MBNL2: variants seen among roughly 807,000 people sequenced by gnomAD.
MBNL2 encodes the protein muscleblind-like protein 2.
Under a neutral mutation model 41.9 loss-of-function variants are expected in MBNL2, and 17 were observed. The ratio of observed to expected loss-of-function variants is 0.41; its 90% CI spans 0.28 to 0.61. The LOEUF (loss-of-function observed/expected upper bound fraction) is 0.61, where lower values mean the gene tolerates loss of function less well. Among genes scored for constraint, MBNL2 ranks in the 20% least tolerant of loss-of-function variants. The probability of loss-of-function intolerance (pLI) is 0.35; values close to 1 mark genes in which losing one functional copy is unlikely to be tolerated. For synonymous variants in MBNL2, 195 were observed against 182.9 expected, an observed-to-expected ratio of 1.07 and a Z score of -0.53; for missense variants, 336 against 505.6, an observed-to-expected ratio of 0.66 and a Z score of 3.22.
chr13:97,164,283 C>A, the MBNL2 span, among the ~76,000 whole-genome samples: 8 of 152,256 alleles, frequency 5.3e-5, no homozygotes, highest in African/African-American at 1.9e-4. Flanking sequence ...GTTGGGATTA[C>A]AGGCATGAGC....
intron 2 of MBNL2, among the ~76,000 whole-genome samples, chr13:97,283,189 A>G (rs750288743): frequency 2.0e-5 from 3 of 152,010 alleles, no homozygotes; most frequent in Non-Finnish European, 4.4e-5. Context: ...CTCAGTGTGG[A>G]TGCTCTCCAA....
the MBNL2 span, among the ~76,000 whole-genome samples, chr13:97,163,887 T>G: frequency 6.6e-6 from 1 of 152,174 alleles, no homozygotes; most frequent in African/African-American, 2.4e-5. Context: ...GATTGGAGTT[T>G]TGCATCTACA....
intron 1 of MBNL2, among the ~76,000 whole-genome samples, chr13:97,229,504 G>A (rs1346538793): frequency 1.3e-5 from 2 of 151,990 alleles, no homozygotes; most frequent in Non-Finnish European, 2.9e-5. Flanking sequence ...GGTTATGCAA[G>A]AATAATATTT....
intron 2 of MBNL2, among the ~76,000 whole-genome samples, chr13:97,288,542 G>C (rs1244446907): frequency 6.6e-6 from 1 of 152,180 alleles, no homozygotes; most frequent in African/African-American, 2.4e-5. Flanking sequence ...AGCGGAAAAT[G>C]CCAAGGTCTA....
the MBNL2 span, among the ~76,000 whole-genome samples, chr13:97,178,922 A>G: frequency 6.6e-6 from 1 of 152,296 alleles, no homozygotes. Context: ...AAAAAGAAAT[A>G]CAATGGTATA....
intron 1 of MBNL2, among the ~76,000 whole-genome samples, chr13:97,233,271 T>G (rs961383638): frequency 6.9e-6 from 1 of 145,050 alleles, no homozygotes; most frequent in Non-Finnish European, 1.5e-5. Flanking sequence ...CTGCACCTAT[T>G]AACTCGTCAT....
Position 97,374,063 on chromosome 13 carries a change from A to ATT in MBNL2, c.1048+8920_1048+8921dup, listed in dbSNP as rs61185219. Among the ~76,000 whole-genome samples, 533 of 63,092 alleles carry ATT rather than the reference A, an allele frequency of 8.4e-3. 57 individuals are homozygous for ATT. Among genetic ancestry groups the ATT allele is most frequent in the African/African-American group, 0.014 (252 of 17,862 alleles). The allele number at this position is 63,092 out of a possible 152,430, so 41.4% of individuals were successfully genotyped here. ...CACCTCAAATCCCATCCTCCTTTGCATTTTTTTTTTTTTTTTTTTTTTTTT... is the reference window on the plus strand; with the variant it reads ...CACCTCAAATCCCATCCTCCTTTGCATTTTTTTTTTTTTTTTTTTTTTTTTTT... On this transcript the variant is annotated intron_variant, in intron 8 of 8. Coordinates refer to ENST00000679496, the MANE Select transcript of MBNL2 (RefSeq NM_001382683.1).
intron 1 of MBNL2, among the ~76,000 whole-genome samples, chr13:97,234,394 T>G (rs1444001797): frequency 2.0e-5 from 3 of 152,194 alleles, no homozygotes; most frequent in Non-Finnish European, 4.4e-5. Context: ...CTGGCAGTGT[T>G]GACCCATTGT....
chr13:97,320,046 G>A (rs1052651771), intron 2 of MBNL2, among the ~76,000 whole-genome samples: 4 of 152,232 alleles, frequency 2.6e-5, no homozygotes, highest in East Asian at 1.9e-4. Flanking sequence ...GGAGACTGTA[G>A]TATTTTGCTG....
chr13:97,379,190 A>C (rs572683776), intron 8 of MBNL2, among the ~76,000 whole-genome samples: 1 of 152,322 alleles, frequency 6.6e-6, no homozygotes, highest in East Asian at 1.9e-4. Context: ...TTTAAAGTCC[A>C]AGCTCAATAT....
chr13:97,273,222 AAG>A (rs2051451699), intron 1 of MBNL2, among the ~76,000 whole-genome samples: 1 of 152,154 alleles, frequency 6.6e-6, no homozygotes, highest in Non-Finnish European at 1.5e-5. Context: ...TTCAAACACT[AAG>A]TGTGTTCAGC....
intron 3 of MBNL2, among the ~76,000 whole-genome samples, chr13:97,335,922 T>C (rs955054758): frequency 5.3e-5 from 8 of 152,242 alleles, no homozygotes; most frequent in African/African-American, 1.7e-4. Context: ...ACCTAAATGC[T>C]AAAATAATTT....
Position 97,262,920 on chromosome 13 carries a change from C to T in MBNL2, c.-604-12712C>T, listed in dbSNP as rs982777595. Among the ~76,000 whole-genome samples the T allele has an allele frequency of 5.9e-5, 9 of 152,192 alleles. No homozygotes were observed. In the South Asian group the frequency reaches 6.2e-4, roughly 11 times the overall value. ...CTGGGATTACAGGCATGCATCACCA[C>T]GCCAAGCTAATTTTTGCTTCTTTTA... On this transcript the variant is annotated intron_variant, in intron 1 of 8. Transcript: ENST00000679496.
the MBNL2 span, among the ~76,000 whole-genome samples, chr13:97,166,035 A>C: frequency 0.021 from 3,265 of 152,300 alleles, 84 homozygotes; most frequent in East Asian, 0.11. Context: ...TTCTGGGTGG[A>C]GCATGGTTGC....
intron 2 of MBNL2, among the ~76,000 whole-genome samples, chr13:97,330,670 G>A (rs2060356778): frequency 6.6e-6 from 1 of 152,142 alleles, no homozygotes; most frequent in Admixed American, 6.5e-5. Flanking sequence ...TGTACCATTT[G>A]GCTATGACAA....
At chr13:97,248,010 TC>T (rs2045811487) in intron 1 of MBNL2, among the ~76,000 whole-genome samples, 1 of 152,252 alleles carries the variant, frequency 6.6e-6, no homozygotes, top group Non-Finnish European at 1.5e-5. Context: ...AAATGATATT[TC>T]TTGGCAAATA....
chr13:97,288,768 CAAG>C (rs200653158), intron 2 of MBNL2, among the ~76,000 whole-genome samples: 2,009 of 152,246 alleles, frequency 0.013, 43 homozygotes, highest in African/African-American at 0.045. Context: ...CCATCATGAC[CAAG>C]AAGAATAAAA....
chr13:97,363,693 G>A (rs1350314448), intron 7 of MBNL2, among the ~76,000 whole-genome samples: 1 of 152,166 alleles, frequency 6.6e-6, no homozygotes, highest in East Asian at 1.9e-4. Context: ...ACATTTATGT[G>A]TAGGTAGATT....
intron 1 of MBNL2, among the ~76,000 whole-genome samples, chr13:97,231,633 T>A (rs1449448144): frequency 6.6e-6 from 1 of 152,176 alleles, no homozygotes; most frequent in African/African-American, 2.4e-5. Flanking sequence ...AGCCAGGGAC[T>A]TCAGCAGCTG....
Sources: allele counts gnomAD v4.1 joint callset (sites outside exome capture counted in the v4.1 genomes callset), GRCh38; gene constraint gnomAD v4.1.1; transcripts MANE v1.5; gene names NCBI Gene and HGNC (gene_info 2026-07-23, HGNC 2026-07-21).